The following MCU variants were observed in gnomAD, a reference collection of about 807,000 sequenced individuals.
The protein encoded by MCU is mitochondrial calcium uniporter, also known as calcium uniporter protein, mitochondrial.
A neutral mutation model predicts 45.2 loss-of-function variants in MCU; 12 were observed. That is an observed-to-expected ratio of 0.27 (90% CI 0.17 to 0.43). The LOEUF (loss-of-function observed/expected upper bound fraction) is 0.43, where lower values mean the gene tolerates loss of function less well. MCU is among the 20% of genes least tolerant of loss of function. MCU has a pLI of 1.00. For synonymous variants in MCU, 160 were observed against 165.1 expected (o/e 0.97, Z 0.24); for missense variants, 324 against 436.7 (o/e 0.74, Z 2.30).
At chr10:72,813,307 A>G (rs971077184) in intron 1 of MCU, among the ~76,000 whole-genome samples, 1 of 151,954 alleles carries the variant, frequency 6.6e-6, no homozygotes, top group African/African-American at 2.4e-5. Context: ...GCATCAACCA[A>G]CAATGTGATG....
Position 72,728,888 on chromosome 10 carries a change from G to A in MCU, c.150+36587G>A, listed in dbSNP as rs1449095683. ...TAAAATTATTTGTATATTTGTTTAG[G>A]AGGAGAATAGCATGAGGGATCTAGC... On this transcript the variant is annotated intron_variant, in intron 1 of 7. Coordinates refer to ENST00000373053, the MANE Select transcript of MCU (RefSeq NM_138357.3). 2.0e-5 allele frequency among the ~76,000 whole-genome samples: 3 copies of A among 152,176 alleles called. No individual in the cohort carries two copies. The South Asian group carries it at 6.2e-4, about 32-fold the overall frequency.
At chr10:72,835,416 T>C (rs998705548) in intron 2 of MCU, among the ~76,000 whole-genome samples, 3 of 152,242 alleles carry the variant, frequency 2.0e-5, no homozygotes, top group African/African-American at 7.2e-5. Flanking sequence ...GATAGAGCTC[T>C]GATTTCAACC....
chr10:72,884,516 T>C (rs1389754608), intron 7 of MCU, 134 bp downstream of exon 7: 4 of 607,418 alleles, frequency 6.6e-6, no homozygotes, highest in African/African-American at 1.8e-5. Context: ...AAATTATTCC[T>C]CAGTTGATTA....
chr10:72,796,323 T>TA (rs767823294), intron 1 of MCU, among the ~76,000 whole-genome samples: 1 of 152,022 alleles, frequency 6.6e-6, no homozygotes, highest in Non-Finnish European at 1.5e-5. Context: ...CCTGTAGTCT[T>TA]ACCTGCATGG....
intron 1 of MCU, among the ~76,000 whole-genome samples, chr10:72,746,583 G>A (rs1843418188): frequency 6.6e-6 from 1 of 152,180 alleles, no homozygotes; most frequent in Non-Finnish European, 1.5e-5. Context: ...TCTAGGGTAT[G>A]TAATAAGACT....
In MCU at chr10:72,884,339, T is replaced by C; in HGVS notation, c.935T>C (p.Phe312Ser). The change falls in exon 7 of 8, where the codon TTT (phenylalanine) becomes TCT (serine). Residue 312 changes from phenylalanine (F) to serine (S), a missense_variant. This residue lies in a region of MCU where 76 missense variants were observed against 99.4 expected (regional missense o/e 0.76). Transcript: ENST00000373053. Reference sequence around the variant, plus strand: ...CATAAAGGAGCCAAAAAGTCACGTTTTGACCTAGAGAAATACAATCAACTC... The same window carrying C: ...CATAAAGGAGCCAAAAAGTCACGTTCTGACCTAGAGAAATACAATCAACTC... ...FFHKGAKKSR[F>S]DLEKYNQLKD... The C allele has an allele frequency of 6.2e-7, 1 of 1,612,508 alleles. No homozygotes were observed. Among genetic ancestry groups the C allele is most frequent in the Non-Finnish European group, 8.5e-7 (1 of 1,178,690 alleles).
At chr10:72,696,722 CAG>C (rs1842692504) in intron 1 of MCU, among the ~76,000 whole-genome samples, 1 of 152,094 alleles carries the variant, frequency 6.6e-6, no homozygotes, top group African/African-American at 2.4e-5. Flanking sequence ...AGGTGACACT[CAG>C]ACAAGCATTA....
At chr10:72,786,100 C>A (rs1028681024) in intron 1 of MCU, among the ~76,000 whole-genome samples, 1 of 152,024 alleles carries the variant, frequency 6.6e-6, no homozygotes, top group Non-Finnish European at 1.5e-5. Flanking sequence ...GAACGATTTG[C>A]TGTGGAGATC....
intron 1 of MCU, among the ~76,000 whole-genome samples, chr10:72,762,195 A>AG (rs766710888): frequency 3.3e-5 from 5 of 152,194 alleles, no homozygotes; most frequent in Admixed American, 1.3e-4. Flanking sequence ...AATAGCAAGC[A>AG]GTGAGATTGA....
At chr10:72,780,115 C>T (rs1187655163) in intron 1 of MCU, among the ~76,000 whole-genome samples, 1 of 152,114 alleles carries the variant, frequency 6.6e-6, no homozygotes, top group African/African-American at 2.4e-5. Flanking sequence ...GAATGAAATA[C>T]CGACACATAC....
At chr10:72,779,531 A>G (rs1843956425) in intron 1 of MCU, among the ~76,000 whole-genome samples, 1 of 152,222 alleles carries the variant, frequency 6.6e-6, no homozygotes, top group South Asian at 2.1e-4. Flanking sequence ...CAGATCATTT[A>G]TTTGTTAGAG....
At chr10:72,744,199 T>C (rs1843377476) in intron 1 of MCU, among the ~76,000 whole-genome samples, 1 of 151,928 alleles carries the variant, frequency 6.6e-6, no homozygotes, top group Non-Finnish European at 1.5e-5. Flanking sequence ...ATAGTTGATC[T>C]TTTGGCTTCA....
At chr10:72,846,270 T>C (rs1845121551) in intron 2 of MCU, among the ~76,000 whole-genome samples, 1 of 152,194 alleles carries the variant, frequency 6.6e-6, no homozygotes, top group Non-Finnish European at 1.5e-5. Flanking sequence ...CTCAAACTCC[T>C]GCCCTCAAGT....
chr10:72,829,920 G>A (rs1427661946), intron 1 of MCU, among the ~76,000 whole-genome samples: 2 of 152,196 alleles, frequency 1.3e-5, no homozygotes, highest in East Asian at 3.8e-4. Flanking sequence ...ACTTACATGT[G>A]TGTTTGTAAA....
At chr10:72,714,345 C>CT (rs1160353409) in intron 1 of MCU, among the ~76,000 whole-genome samples, 848 of 54,734 alleles carry the variant, frequency 0.015, 65 homozygotes, top group East Asian at 0.11. Flanking sequence ...CCGCCCTGGT[C>CT]TTTTTTTTTT....
intron 1 of MCU, among the ~76,000 whole-genome samples, chr10:72,724,781 A>G (rs1344355310): frequency 6.6e-6 from 1 of 152,198 alleles, no homozygotes; most frequent in Non-Finnish European, 1.5e-5. Context: ...TCAGCTTCAA[A>G]ATGGAATGGA....
intron 4 of MCU, chr10:72,861,685 T>C (rs1214423136): frequency 2.8e-5 from 10 of 361,780 alleles, no homozygotes; most frequent in East Asian, 2.0e-4. Context: ...TTAGTAGAGA[T>C]GGGGTTTTGC....
intron 1 of MCU, among the ~76,000 whole-genome samples, chr10:72,699,676 C>T (rs1411018453): frequency 1.5e-4 from 22 of 150,826 alleles, no homozygotes; most frequent in African/African-American, 5.1e-4. Context: ...TCTGCAGTCT[C>T]TGTCTCCTGG....
chr10:72,750,033 A>C (rs1364902806), intron 1 of MCU, among the ~76,000 whole-genome samples: 1 of 148,212 alleles, frequency 6.7e-6, no homozygotes, highest in African/African-American at 2.5e-5. Context: ...GCCTGCTTTG[A>C]CTTGGCCTCC....
Sources: gnomAD v4.1 joint callset for allele counts (sites outside exome capture counted in the v4.1 genomes callset) on GRCh38, gnomAD v4.1.1 for gene constraint, gnomAD v4.1.1 regional missense constraint, MANE v1.5 for transcripts, NCBI Gene and HGNC (gene_info 2026-07-23, HGNC 2026-07-21) for gene names.